Variants in VWA8 observed in about 807,000 individuals in gnomAD.
VWA8 encodes the protein von Willebrand factor A domain-containing protein 8.
In VWA8, 221 loss-of-function variants were observed where a neutral mutation model predicts 241.5. The observed-to-expected ratio is 0.91, with a 90% CI of 0.82 to 1.02. The LOEUF is 1.02. Ranked by LOEUF, VWA8 falls within the 50% of genes least tolerant of loss-of-function variation. The pLI is 0.00. For synonymous variants in VWA8, 852 were observed against 827.1 expected (o/e 1.03, Z -0.52); for missense variants, 2,322 against 2,328.7 (o/e 1.00, Z 0.06).
At chr13:41,597,517 G>A (rs146237142) in intron 40 of VWA8, among the ~76,000 whole-genome samples, 8 of 152,084 alleles carry the variant, frequency 5.3e-5, no homozygotes, top group Non-Finnish European at 8.8e-5. Context: ...AAAGGAAAAC[G>A]GTGAATCATC....
In VWA8 at chr13:41,703,414, G is replaced by A. The variant is rs1308411369; in HGVS notation, c.3117-3C>T. 6.2e-7 allele frequency: 1 copy of A among 1,612,826 alleles called. No homozygotes were observed. The highest frequency in any genetic ancestry group is 1.1e-5 in the South Asian group (1 of 90,990). ...ACGTTTGTTCTGGCAGAGTCAACCT[G>A]TTAAGGATGATTTGCAAAGTAAATA... On this transcript the variant is annotated splice_polypyrimidine_tract_variant and splice_region_variant and intron_variant, in intron 26 of 44. Transcript: ENST00000379310.
chr13:41,852,208 G>A (rs766608414), intron 12 of VWA8, among the ~76,000 whole-genome samples: 1 of 152,102 alleles, frequency 6.6e-6, no homozygotes, highest in African/African-American at 2.4e-5. Flanking sequence ...ATATGTACCT[G>A]TTGGCCATTT....
intron 14 of VWA8, among the ~76,000 whole-genome samples, chr13:41,820,952 G>C (rs1053990766): frequency 1.3e-5 from 2 of 152,182 alleles, no homozygotes; most frequent in Admixed American, 6.5e-5. Context: ...GAAAGAGCCT[G>C]GTTTGGCTAC....
At chr13:41,715,238 A>G (rs1021384980) in intron 26 of VWA8, among the ~76,000 whole-genome samples, 2 of 151,988 alleles carry the variant, frequency 1.3e-5, no homozygotes, top group Admixed American at 6.6e-5. Flanking sequence ...ATATTATTGT[A>G]CTACCATCAT....
chr13:41,944,024 G>A (rs962371898), intron 2 of VWA8, among the ~76,000 whole-genome samples: 13 of 151,996 alleles, frequency 8.6e-5, no homozygotes, highest in African/African-American at 3.1e-4. Flanking sequence ...AGAATCGCTT[G>A]AACCTGGGAG....
intron 41 of VWA8, 54 bp from the exon 42 acceptor site, chr13:41,587,724 T>C: frequency 6.2e-7 from 1 of 1,601,564 alleles, no homozygotes; most frequent in Non-Finnish European, 8.5e-7. Flanking sequence ...CTTCCCCTGG[T>C]GGCTGTCTTG....
At chr13:41,763,006 A>G (rs559589583) in intron 20 of VWA8, among the ~76,000 whole-genome samples, 15 of 152,052 alleles carry the variant, frequency 9.9e-5, no homozygotes, top group Non-Finnish European at 2.1e-4. Flanking sequence ...CATGACTCAC[A>G]CCAGTAATCC....
chr13:41,658,187 A>G (rs552390177), intron 37 of VWA8, among the ~76,000 whole-genome samples: 2 of 152,376 alleles, frequency 1.3e-5, no homozygotes, highest in South Asian at 4.1e-4. Flanking sequence ...AGCTGGGCAC[A>G]GTCACTTGCA....
At chr13:41,959,493 C>CAAAAAAAAAAAAAAAA (rs59960898) in intron 1 of VWA8, among the ~76,000 whole-genome samples, 1 of 76,468 alleles carries the variant, frequency 1.3e-5, no homozygotes, top group Non-Finnish European at 2.5e-5. Flanking sequence ...TGAGAAAAAG[C>CAAAAAAAAAAAAAAAA]AAAAAAAAAA....
chr13:41,777,168 G>A (rs1029841591), intron 20 of VWA8, among the ~76,000 whole-genome samples: 27 of 152,168 alleles, frequency 1.8e-4, no homozygotes, highest in African/African-American at 6.3e-4. Flanking sequence ...GCTGAGAACA[G>A]AGATAAATAA....
At chr13:41,689,745 T>G (rs1222709130) in intron 33 of VWA8, among the ~76,000 whole-genome samples, 1 of 152,130 alleles carries the variant, frequency 6.6e-6, no homozygotes, top group African/African-American at 2.4e-5. Context: ...ATAAATATTA[T>G]AATTAATAGC....
At chr13:41,580,891 T>C (rs1274342594) in intron 42 of VWA8, among the ~76,000 whole-genome samples, 1 of 152,246 alleles carries the variant, frequency 6.6e-6, no homozygotes, top group Non-Finnish European at 1.5e-5. Flanking sequence ...AATGGTATGT[T>C]TAAGAATTGT....
At chr13:41,653,237 TCAGTAGTATTTCTATATAC>T (rs2044880504) in intron 37 of VWA8, among the ~76,000 whole-genome samples, 1 of 152,104 alleles carries the variant, frequency 6.6e-6, no homozygotes, top group Admixed American at 6.5e-5. Flanking sequence ...TGTAAAAAAA[TCAGTAGTATTTCTATATAC>T]CAGTAACGTC....
intron 12 of VWA8, among the ~76,000 whole-genome samples, chr13:41,838,493 T>C (rs534032105): frequency 3.9e-5 from 6 of 152,274 alleles, no homozygotes; most frequent in East Asian, 1.9e-4. Context: ...AAAGTACATA[T>C]AGAGTATGAC....
rs115026765 is a variant in VWA8, at chr13:41,588,025, T to C, written c.5113-355A>G. ...GGAATGACATGTCATTTTCACTTCA[T>C]GCCTCAGAGTCAGTAACTCTAGCAA... On this transcript the variant is annotated intron_variant, in intron 41 of 44. Transcript: ENST00000379310. 5.1e-3 allele frequency among the ~76,000 whole-genome samples: 774 copies of C among 152,362 alleles called. 6 individuals are homozygous for C. Among genetic ancestry groups the C allele is most frequent in the African/African-American group, 0.018 (740 of 41,588 alleles).
intron 4 of VWA8, among the ~76,000 whole-genome samples, chr13:41,892,428 G>A (rs986218379): frequency 5.9e-5 from 9 of 152,002 alleles, no homozygotes; most frequent in East Asian, 3.9e-4. Context: ...CTTAAAACTC[G>A]CCTTCATTAG....
At chr13:41,580,443 T>C (rs1317580291) in intron 42 of VWA8, among the ~76,000 whole-genome samples, 2 of 152,238 alleles carry the variant, frequency 1.3e-5, no homozygotes, top group African/African-American at 4.8e-5. Context: ...AGATACTGAA[T>C]TAACTTCTTG....
intron 27 of VWA8, 84 bp downstream of exon 27, chr13:41,703,219 G>C (rs1376149755): frequency 9.3e-7 from 1 of 1,079,320 alleles, no homozygotes; most frequent in Non-Finnish European, 1.4e-6. Flanking sequence ...AATCATTTCT[G>C]AGATTGTTTG....
chr13:41,890,050 T>C (rs1015668740), intron 5 of VWA8, among the ~76,000 whole-genome samples: 6 of 152,358 alleles, frequency 3.9e-5, no homozygotes, highest in Non-Finnish European at 8.8e-5. Flanking sequence ...CTTCTGATTA[T>C]ATCAGAACAA....
Sources: gnomAD v4.1 joint callset for allele counts (sites outside exome capture counted in the v4.1 genomes callset) on GRCh38, gnomAD v4.1.1 for gene constraint, MANE v1.5 for transcripts, NCBI Gene and HGNC (gene_info 2026-07-23, HGNC 2026-07-21) for gene names.